ZBTB25: variants seen among roughly 807,000 people sequenced by gnomAD.
ZBTB25 encodes the protein zinc finger and BTB domain-containing protein 25.
ZBTB25 carries 20 observed loss-of-function variants against 34.2 expected under a neutral mutation model. The observed-to-expected ratio is 0.58, with a 90% CI of 0.41 to 0.85. The LOEUF is 0.85. Among genes scored for constraint, ZBTB25 ranks in the 40% least tolerant of loss-of-function variants. ZBTB25 has a pLI of 0.00. For synonymous variants in ZBTB25, 175 were observed against 186.4 expected (o/e 0.94, Z 0.50); for missense variants, 437 against 521.8 (o/e 0.84, Z 1.58).
intron 1 of ZBTB25, among the ~76,000 whole-genome samples, chr14:64,499,040 C>T (rs944637690): frequency 6.6e-6 from 1 of 152,186 alleles, no homozygotes; most frequent in Non-Finnish European, 1.5e-5. Context: ...GAAATTATTT[C>T]ACACTCTACA....
chr14:64,485,847 T>C lies in ZBTB25; in HGVS notation c.*1076A>G. ...TAAAATCTCAAATTACTTTTTAAGGTGTCTAAGAAAACACTCTAGACCAAG... is the reference window on the plus strand; with the variant it reads ...TAAAATCTCAAATTACTTTTTAAGGCGTCTAAGAAAACACTCTAGACCAAG... On this transcript the variant is annotated 3_prime_UTR_variant, in exon 3 of 3. Coordinates refer to ENST00000608382, the MANE Select transcript of ZBTB25 (RefSeq NM_006977.5). 1.0e-6 allele frequency: 1 copy of C among 985,414 alleles called. No individual in the cohort carries two copies. The highest frequency in any genetic ancestry group is 1.2e-6 in the Non-Finnish European group (1 of 829,934). 61.0% of individuals were successfully genotyped at this position (985,414 alleles called of 1,614,324 possible).
chr14:64,485,397 CTA>C lies in ZBTB25; in HGVS notation c.*1524_*1525del, dbSNP rs1566595228. 1.0e-6 allele frequency: 1 copy of C among 985,432 alleles called. No individual in the cohort carries two copies. Among genetic ancestry groups the C allele is most frequent in the Non-Finnish European group, 1.2e-6 (1 of 829,932 alleles). The allele number at this position is 985,432 out of a possible 1,614,324, so 61.0% of individuals were successfully genotyped here. A position where few individuals can be genotyped will look rare whatever the true frequency, so the allele number is the denominator to read the frequency against. The stretch of plus-strand genomic sequence containing the variant: ...GATGAGTCTGTTTTATTATCCTTGA[CTA>C]TGCGGGGTTTGAAATTTAAACATTT... On this transcript the variant is annotated 3_prime_UTR_variant, in exon 3 of 3. Coordinates refer to ENST00000608382, the MANE Select transcript of ZBTB25 (RefSeq NM_006977.5).
chr14:64,495,207 A>C (rs1264166844), intron 1 of ZBTB25, among the ~76,000 whole-genome samples: 1 of 152,178 alleles, frequency 6.6e-6, no homozygotes. Context: ...ATTCTTCCAA[A>C]GAGTGTTTGT....
intron 2 of ZBTB25, among the ~76,000 whole-genome samples, chr14:64,466,318 G>T (rs1427642907): frequency 6.6e-6 from 1 of 152,186 alleles, no homozygotes; most frequent in Non-Finnish European, 1.5e-5. Context: ...TTAAGTTTCT[G>T]TTTGGGTATT....
At position 64,490,491 on chromosome 14, in the gene ZBTB25, T is replaced by A. The variant is rs771094253; in HGVS notation, c.43A>T (p.Asn15Tyr). The A allele has an allele frequency of 5.0e-6, 8 of 1,613,844 alleles. No homozygotes were observed. In the South Asian group the frequency reaches 8.8e-5, roughly 18 times the overall value. The change falls in exon 2 of 3, where the codon AAC (asparagine) becomes TAC (tyrosine). Residue 15 changes from asparagine to tyrosine, a missense_variant. By Grantham distance (143) the Asn-to-Tyr change is moderately radical (BLOSUM62 -2). Coordinates refer to ENST00000608382, the MANE Select transcript of ZBTB25 (RefSeq NM_006977.5). ...SHSLVLLQQL[N>Y]MQREFGFLCD... Reference sequence around the variant, plus strand: ...AGAAAACCAAATTCTCGCTGCATGTTCAGCTGCTGGAGAAGAACAAGGCTA... The same window carrying A: ...AGAAAACCAAATTCTCGCTGCATGTACAGCTGCTGGAGAAGAACAAGGCTA...
intron 1 of ZBTB25, chr14:64,502,751 G>C (rs994239005): frequency 1.9e-5 from 19 of 981,116 alleles, no homozygotes; most frequent in Non-Finnish European, 2.2e-5. Context: ...GAGCCTTGGA[G>C]TCTTAGCTAT....
intron 1 of ZBTB25, among the ~76,000 whole-genome samples, chr14:64,492,117 C>CAAAAAAAAAAAAAAA (rs58321068): frequency 9.5e-5 from 7 of 74,038 alleles, no homozygotes; most frequent in Admixed American, 1.8e-4. Context: ...GACCCTATCT[C>CAAAAAAAAAAAAAAA]AAAAAAAAAA....
At chr14:64,468,255 T>C in intron 2 of ZBTB25, 1 of 708,566 alleles carries the variant, frequency 1.4e-6, no homozygotes, top group Non-Finnish European at 2.2e-6. Flanking sequence ...CTAAAACAAC[T>C]GTATGGAGTA....
intron 1 of ZBTB25, among the ~76,000 whole-genome samples, chr14:64,495,488 C>T (rs1257096237): frequency 1.3e-5 from 2 of 152,210 alleles, no homozygotes; most frequent in Admixed American, 6.5e-5. Flanking sequence ...CTCTTTTCTT[C>T]AAGAGAGATT....
At chr14:64,452,023 G>A (rs961604273) in intron 2 of ZBTB25, among the ~76,000 whole-genome samples, 7 of 152,248 alleles carry the variant, frequency 4.6e-5, no homozygotes, top group African/African-American at 1.2e-4. Flanking sequence ...TTGGCTGGGC[G>A]CTGTGGTCAC....
At position 64,482,643 on chromosome 14, in the gene ZBTB25, A is replaced by T. The variant is rs746265691; in HGVS notation, c.*4280T>A. 6.6e-6 allele frequency: 1 copy of T among 152,242 alleles called. No homozygotes were observed. The highest frequency in any genetic ancestry group is 1.5e-5 in the Non-Finnish European group (1 of 68,042). 9.4% of individuals were successfully genotyped at this position (152,242 alleles called of 1,614,324 possible). A position where few individuals can be genotyped will look rare whatever the true frequency, so the allele number is the denominator to read the frequency against. On this transcript the variant is annotated 3_prime_UTR_variant, in exon 3 of 3. Transcript: ENST00000608382. ...AACAGTGATGATTAAATTACAGTAG[A>T]ACAGGAATTCTAGCAACAGTATTGT...
At chr14:64,475,162 G>A (rs140392584), downstream of ZBTB25, among the ~76,000 whole-genome samples, 1,178 of 152,218 alleles carry the variant, frequency 7.7e-3, 16 homozygotes, top group African/African-American at 0.027. Context: ...TTTTATGGCC[G>A]GGCGCGGTGG....
chr14:64,473,618 C>T (rs1566589799), downstream of ZBTB25: 1 of 167,076 alleles, frequency 6.0e-6, no homozygotes. Flanking sequence ...GAATGTTTTT[C>T]GAGGTTTACA....
downstream of ZBTB25, among the ~76,000 whole-genome samples, chr14:64,476,139 GACT>G (rs2078717378): frequency 6.6e-6 from 1 of 152,206 alleles, no homozygotes; most frequent in South Asian, 2.1e-4. Context: ...TGCTCAGTAT[GACT>G]ACAAGTGGGT....
At chr14:64,462,767 G>A (rs2078568475) in intron 2 of ZBTB25, 1 of 152,186 alleles carries the variant, frequency 6.6e-6, no homozygotes, top group East Asian at 1.9e-4. Context: ...AACCCTCATG[G>A]TGCCCAGGAA....
chr14:64,455,731 A>G (rs577080520), intron 2 of ZBTB25, among the ~76,000 whole-genome samples: 3 of 152,372 alleles, frequency 2.0e-5, no homozygotes, highest in African/African-American at 7.2e-5. Flanking sequence ...GTGGCATTAT[A>G]GAGTTGAAAA....
intron 2 of ZBTB25, among the ~76,000 whole-genome samples, chr14:64,450,241 A>C (rs547162787): frequency 6.6e-6 from 1 of 152,366 alleles, no homozygotes; most frequent in African/African-American, 2.4e-5. Context: ...ATATAGACCA[A>C]ATATGTAATT....
intron 2 of ZBTB25, chr14:64,460,985 T>G (rs936755067): frequency 6.6e-6 from 1 of 152,146 alleles, no homozygotes; most frequent in Non-Finnish European, 1.5e-5. Context: ...AGGATCATGC[T>G]GCTGCACTCC....
downstream of ZBTB25, among the ~76,000 whole-genome samples, chr14:64,477,509 T>C (rs960754043): frequency 5.9e-5 from 9 of 152,200 alleles, no homozygotes; most frequent in Admixed American, 2.0e-4. Context: ...AAGAGCAATG[T>C]TGGGAAATGA....
Sources: gnomAD v4.1 joint callset for allele counts (sites outside exome capture counted in the v4.1 genomes callset) on GRCh38, gnomAD v4.1.1 for gene constraint, MANE v1.5 for transcripts, NCBI Gene and HGNC (gene_info 2026-07-23, HGNC 2026-07-21) for gene names.